The following GPC6 variants were observed in gnomAD, a reference collection of about 807,000 sequenced individuals.
GPC6 encodes the protein glypican-6.
A neutral mutation model predicts 55.2 loss-of-function variants in GPC6; 14 were observed. The observed-to-expected ratio is 0.25, with a 90% CI of 0.17 to 0.40. GPC6 has a LOEUF of 0.40. GPC6 is among the 10% of genes least tolerant of loss of function. GPC6 has a pLI of 1.00. For missense variants in GPC6, 641 were observed against 708.5 expected (o/e 0.90, Z 1.08); for synonymous variants, 278 against 259.6 (o/e 1.07, Z -0.68).
intron 3 of GPC6, among the ~76,000 whole-genome samples, chr13:93,922,933 A>T (rs904540790): frequency 8.5e-5 from 13 of 152,214 alleles, no homozygotes; most frequent in Non-Finnish European, 1.8e-4. Flanking sequence ...CTTATAATGA[A>T]TATACAAATA....
rs142175403 is a variant in GPC6, at chr13:93,890,800, A to G, written c.711+60255A>G. Among the ~76,000 whole-genome samples the G allele has an allele frequency of 9.5e-4, 140 of 147,114 alleles. 1 individual carries two copies. Among genetic ancestry groups the G allele is most frequent in the African/African-American group, 3.1e-3 (125 of 39,736 alleles). On this transcript the variant is annotated intron_variant, in intron 3 of 8. Coordinates refer to ENST00000377047, the MANE Select transcript of GPC6 (RefSeq NM_005708.5). The stretch of plus-strand genomic sequence containing the variant: ...CCTTTCCTCTGCTACATAATTCCCC[A>G]TGCCTTCTAGATTTTTTTCCAGTGC...
At chr13:93,651,505 G>T (rs2139599293) in intron 2 of GPC6, among the ~76,000 whole-genome samples, 1 of 152,224 alleles carries the variant, frequency 6.6e-6, no homozygotes, top group East Asian at 1.9e-4. Context: ...TCTTCATAAG[G>T]TGTAAATCCT....
intron 1 of GPC6, among the ~76,000 whole-genome samples, chr13:93,357,308 A>G (rs1357738887): frequency 6.6e-6 from 1 of 152,184 alleles, no homozygotes; most frequent in Non-Finnish European, 1.5e-5. Flanking sequence ...TCAATTTTGT[A>G]ATTGTTTAAA....
chr13:93,327,368 G>A (rs1360839419), intron 1 of GPC6, among the ~76,000 whole-genome samples: 1 of 152,030 alleles, frequency 6.6e-6, no homozygotes, highest in Non-Finnish European at 1.5e-5. Flanking sequence ...TGTGACAGTC[G>A]AATATACTGT....
intron 2 of GPC6, among the ~76,000 whole-genome samples, chr13:93,731,154 G>A (rs537645141): frequency 3.3e-5 from 5 of 152,250 alleles, no homozygotes; most frequent in African/African-American, 9.6e-5. Flanking sequence ...CTGCATTACA[G>A]TACTAGGGAG....
At chr13:93,684,797 A>G (rs1176284104) in intron 2 of GPC6, among the ~76,000 whole-genome samples, 1 of 152,226 alleles carries the variant, frequency 6.6e-6, no homozygotes, top group East Asian at 1.9e-4. Context: ...ATAGCATTTA[A>G]AACTCTTAAC....
At chr13:93,921,772 T>G (rs998983819) in intron 3 of GPC6, among the ~76,000 whole-genome samples, 1 of 151,592 alleles carries the variant, frequency 6.6e-6, no homozygotes, top group African/African-American at 2.4e-5. Context: ...CCTGTTTCCA[T>G]TTAGAGCCAT....
At chr13:93,943,128 G>A (rs1170981225) in intron 3 of GPC6, among the ~76,000 whole-genome samples, 2 of 152,114 alleles carry the variant, frequency 1.3e-5, no homozygotes, top group African/African-American at 2.4e-5. Context: ...TTGTAAGCAC[G>A]TTAAAGCAAG....
chr13:93,944,966 A>T (rs537774177), intron 3 of GPC6, among the ~76,000 whole-genome samples: 2 of 152,264 alleles, frequency 1.3e-5, no homozygotes, highest in South Asian at 4.1e-4. Flanking sequence ...TTTGCATCCC[A>T]GACTCAGGCG....
In GPC6 at chr13:93,830,552, G is replaced by A. The variant is rs201788495; in HGVS notation, c.711+7G>A. On this transcript the variant is annotated splice_region_variant and intron_variant, in intron 3 of 8. Coordinates refer to ENST00000377047, the MANE Select transcript of GPC6 (RefSeq NM_005708.5). The stretch of plus-strand genomic sequence containing the variant: ...TGCAAACCGAGTTTCCAAGGTAATT[G>A]AAAACGTGCTTTCTTTCTCATTGGT... 4 of 1,442,262 alleles carry A rather than the reference G, an allele frequency of 2.8e-6. No individual in the cohort carries two copies. Among genetic ancestry groups the A allele is most frequent in the African/African-American group, 1.5e-5 (1 of 64,674 alleles). 89.3% of individuals were successfully genotyped at this position (1,442,262 alleles called of 1,614,324 possible). A position where few individuals can be genotyped will look rare whatever the true frequency, so the allele number is the denominator to read the frequency against.
rs568253560 is a variant in GPC6 at position 93,797,155 on chromosome 13, TAGAG to T, written c.320-32996_320-32993del. 1.3e-3 allele frequency among the ~76,000 whole-genome samples: 131 copies of T among 103,864 alleles called. 1 individual carries two copies. The highest frequency in any genetic ancestry group is 8.2e-3 in the Middle Eastern group (2 of 244). 68.1% of individuals were successfully genotyped at this position (103,864 alleles called of 152,430 possible). A position where few individuals can be genotyped will look rare whatever the true frequency, so the allele number is the denominator to read the frequency against. On this transcript the variant is annotated intron_variant, in intron 2 of 8. Transcript: ENST00000377047. ...AATTATAGTTCCCTTTGTCATTTAATAGAGAGGTAGAAAAATGCAGATTTTTATT... is the reference window on the plus strand; with the variant it reads ...AATTATAGTTCCCTTTGTCATTTAATAGGTAGAAAAATGCAGATTTTTATT...
At chr13:93,728,391 T>G (rs1260901869) in intron 2 of GPC6, among the ~76,000 whole-genome samples, 1 of 150,302 alleles carries the variant, frequency 6.7e-6, no homozygotes, top group Non-Finnish European at 1.5e-5. Flanking sequence ...AATGCTTTTT[T>G]TATTATTATA....
intron 1 of GPC6, among the ~76,000 whole-genome samples, chr13:93,418,686 T>C (rs115326013): frequency 0.019 from 2,847 of 151,092 alleles, 111 homozygotes; most frequent in African/African-American, 0.066. Flanking sequence ...TTATTAATAG[T>C]GCTATACCGT....
intron 1 of GPC6, among the ~76,000 whole-genome samples, chr13:93,386,393 CTT>C (rs1463884708): frequency 6.6e-6 from 1 of 152,170 alleles, no homozygotes; most frequent in Non-Finnish European, 1.5e-5. Context: ...CCTTTTTCCT[CTT>C]GTCAGGAATA....
chr13:93,423,663 T>G (rs1463064083), intron 1 of GPC6, among the ~76,000 whole-genome samples: 1 of 152,184 alleles, frequency 6.6e-6, no homozygotes, highest in East Asian at 1.9e-4. Context: ...TTATTTTCTC[T>G]GCTCAGATGA....
At chr13:93,583,858 T>A (rs1877064271) in intron 2 of GPC6, among the ~76,000 whole-genome samples, 1 of 152,158 alleles carries the variant, frequency 6.6e-6, no homozygotes, top group East Asian at 1.9e-4. Flanking sequence ...GATAGGGCAG[T>A]TTTGACATCC....
intron 3 of GPC6, among the ~76,000 whole-genome samples, chr13:93,873,919 G>C (rs1033693468): frequency 6.6e-6 from 1 of 151,770 alleles, no homozygotes; most frequent in African/African-American, 2.4e-5. Context: ...TCCCCAATGT[G>C]AGCATTACCA....
chr13:93,535,743 A>T (rs1196278895), intron 1 of GPC6, among the ~76,000 whole-genome samples: 3 of 151,632 alleles, frequency 2.0e-5, no homozygotes, highest in Non-Finnish European at 4.4e-5. Context: ...GATCATTCAT[A>T]ATTGTCAGAA....
intron 2 of GPC6, among the ~76,000 whole-genome samples, chr13:93,757,027 A>G (rs1207835597): frequency 6.6e-6 from 1 of 152,176 alleles, no homozygotes; most frequent in African/African-American, 2.4e-5. Flanking sequence ...CAAACCCTTT[A>G]TGACTCCCTT....
Sources: allele counts gnomAD v4.1 joint callset (sites outside exome capture counted in the v4.1 genomes callset), GRCh38; gene constraint gnomAD v4.1.1; transcripts MANE v1.5; gene names NCBI Gene and HGNC (gene_info 2026-07-23, HGNC 2026-07-21).